The following CACNA2D3 variants were observed in gnomAD, a reference collection of about 807,000 sequenced individuals.
The protein encoded by CACNA2D3 is calcium voltage-gated channel auxiliary subunit alpha2delta 3.
Under a neutral mutation model 160.6 loss-of-function variants are expected in CACNA2D3, and 60 were observed. The ratio of observed to expected loss-of-function variants is 0.37; its 90% CI spans 0.30 to 0.46. CACNA2D3 has a LOEUF of 0.46. Ranked by LOEUF, CACNA2D3 falls within the 20% of genes least tolerant of loss-of-function variation. The pLI is 1.00. For missense variants in CACNA2D3, 1,205 were observed against 1,365.0 expected (o/e 0.88, Z 1.85); for synonymous variants, 558 against 492.9 (o/e 1.13, Z -1.75).
chr3:54,865,519 C>T (rs866212667), intron 17 of CACNA2D3, among the ~76,000 whole-genome samples: 1 of 152,226 alleles, frequency 6.6e-6, no homozygotes, highest in Non-Finnish European at 1.5e-5. Flanking sequence ...CAACCAGAGG[C>T]CTTGATGTGC....
At chr3:54,482,506 A>G (rs944435421) in intron 4 of CACNA2D3, among the ~76,000 whole-genome samples, 42 of 152,222 alleles carry the variant, frequency 2.8e-4, no homozygotes, top group African/African-American at 9.6e-4. Flanking sequence ...AAACATTTTT[A>G]TAAAAGACTA....
At chr3:55,062,675 G>A (rs75681019) in intron 35 of CACNA2D3, among the ~76,000 whole-genome samples, 1,601 of 152,156 alleles carry the variant, frequency 0.011, 22 homozygotes, top group African/African-American at 0.035. Flanking sequence ...CTGTCCTTAC[G>A]GCTTTTGATT....
chr3:54,729,132 T>C (rs557280955), intron 11 of CACNA2D3, among the ~76,000 whole-genome samples: 5 of 152,214 alleles, frequency 3.3e-5, no homozygotes, highest in Admixed American at 2.0e-4. Flanking sequence ...TGCCCTTCCC[T>C]ATGATCTCTA....
At chr3:54,936,177 A>G (rs1218688921) in intron 27 of CACNA2D3, among the ~76,000 whole-genome samples, 1 of 151,916 alleles carries the variant, frequency 6.6e-6, no homozygotes, top group Non-Finnish European at 1.5e-5. Flanking sequence ...AAAAAAAAAA[A>G]TCTTTTGCAC....
chr3:55,067,407 GT>G (rs1704683621), intron 35 of CACNA2D3, among the ~76,000 whole-genome samples: 1 of 152,156 alleles, frequency 6.6e-6, no homozygotes, highest in African/African-American at 2.4e-5. Flanking sequence ...TAGGTACTTA[GT>G]TTTTTGTTTC....
At chr3:54,587,642 T>C (rs114761277) in intron 9 of CACNA2D3, among the ~76,000 whole-genome samples, 2 of 152,248 alleles carry the variant, frequency 1.3e-5, no homozygotes, top group Non-Finnish European at 2.9e-5. Context: ...ACGCCAGTAC[T>C]GAACCTGCAG....
intron 3 of CACNA2D3, among the ~76,000 whole-genome samples, chr3:54,335,599 T>C (rs1364256188): frequency 6.6e-6 from 1 of 152,198 alleles, no homozygotes; most frequent in African/African-American, 2.4e-5. Flanking sequence ...GCAAGGTCTT[T>C]ATGACCTGTA....
chr3:54,822,730 TTTTCTTTC>T lies in CACNA2D3; in HGVS notation c.1398+5913_1398+5920del, dbSNP rs61652736. 4.5e-3 allele frequency among the ~76,000 whole-genome samples: 467 copies of T among 104,708 alleles called. 13 individuals carry two copies. Among genetic ancestry groups the T allele is most frequent in the Middle Eastern group, 9.7e-3 (2 of 206 alleles). The allele number at this position is 104,708 out of a possible 152,430, so 68.7% of individuals were successfully genotyped here. On this transcript the variant is annotated intron_variant, in intron 14 of 37. Coordinates refer to ENST00000474759, the MANE Select transcript of CACNA2D3 (RefSeq NM_018398.3). ...AGATGCTATTTGCATTTCTTTTTTA[TTTTCTTTC>T]TTTCTTTCTTTCTTTCTTTCTTTCT...
chr3:55,021,329 T>C (rs921583630), intron 35 of CACNA2D3, among the ~76,000 whole-genome samples: 2 of 152,014 alleles, frequency 1.3e-5, no homozygotes, highest in Non-Finnish European at 2.9e-5. Context: ...AAAATGTTAC[T>C]GTATTTGTGA....
At chr3:54,443,229 C>T (rs1259349785) in intron 4 of CACNA2D3, among the ~76,000 whole-genome samples, 1 of 152,100 alleles carries the variant, frequency 6.6e-6, no homozygotes, top group Non-Finnish European at 1.5e-5. Context: ...ATGCCAGAAG[C>T]AGCCTCTGGG....
intron 2 of CACNA2D3, among the ~76,000 whole-genome samples, chr3:54,286,473 G>A (rs1178238477): frequency 6.6e-6 from 1 of 152,232 alleles, no homozygotes; most frequent in African/African-American, 2.4e-5. Flanking sequence ...TGATAGTGAT[G>A]GGGAGAATGG....
chr3:54,235,154 A>G (rs1701849757), intron 2 of CACNA2D3, among the ~76,000 whole-genome samples: 1 of 152,200 alleles, frequency 6.6e-6, no homozygotes. Context: ...ATAGTGTCCT[A>G]AAGTAAAGAT....
chr3:54,851,325 G>A (rs1357818001), intron 17 of CACNA2D3, among the ~76,000 whole-genome samples: 1 of 152,220 alleles, frequency 6.6e-6, no homozygotes, highest in Non-Finnish European at 1.5e-5. Context: ...TGGAGTTGAA[G>A]TGAGGACAAC....
chr3:54,959,122 G>T (rs925035445), intron 27 of CACNA2D3, among the ~76,000 whole-genome samples: 1 of 152,150 alleles, frequency 6.6e-6, no homozygotes, highest in African/African-American at 2.4e-5. Flanking sequence ...CCTTTATCTG[G>T]CAATCCTATT....
chr3:54,573,751 A>G (rs1702536478), intron 8 of CACNA2D3, among the ~76,000 whole-genome samples: 1 of 152,240 alleles, frequency 6.6e-6, no homozygotes, highest in Non-Finnish European at 1.5e-5. Context: ...CAACAGTTTG[A>G]GGCTTCTAAA....
At chr3:54,811,500 T>TAA (rs1559591384) in intron 13 of CACNA2D3, among the ~76,000 whole-genome samples, 2 of 111,834 alleles carry the variant, frequency 1.8e-5, no homozygotes, top group Non-Finnish European at 3.5e-5. Context: ...TTTTTTTTTT[T>TAA]TTTTTTTTTT....
At chr3:54,915,435 G>A (rs1021410366) in intron 27 of CACNA2D3, among the ~76,000 whole-genome samples, 7 of 152,140 alleles carry the variant, frequency 4.6e-5, no homozygotes, top group East Asian at 3.9e-4. Context: ...AACACTAAAC[G>A]TGATTTTTGT....
At chr3:55,002,169 A>T (rs1356961481) in intron 31 of CACNA2D3, among the ~76,000 whole-genome samples, 1 of 151,964 alleles carries the variant, frequency 6.6e-6, no homozygotes, top group Non-Finnish European at 1.5e-5. Context: ...AAAAAAAAAA[A>T]AAAAAGAATG....
chr3:54,224,080 C>G (rs1016817887), intron 2 of CACNA2D3, among the ~76,000 whole-genome samples: 2 of 151,558 alleles, frequency 1.3e-5, no homozygotes, highest in Admixed American at 6.6e-5. Flanking sequence ...TGGTTAAAAA[C>G]TAAGACACAA....
Sources: gnomAD v4.1 joint callset for allele counts (sites outside exome capture counted in the v4.1 genomes callset) on GRCh38, gnomAD v4.1.1 for gene constraint, MANE v1.5 for transcripts, NCBI Gene and HGNC (gene_info 2026-07-23, HGNC 2026-07-21) for gene names.